Variants in SLC1A2 observed in about 807,000 individuals in gnomAD.
The protein encoded by SLC1A2 is excitatory amino acid transporter 2.
In SLC1A2, 15 loss-of-function variants were observed where a neutral mutation model predicts 48.8. The ratio of observed to expected loss-of-function variants is 0.31; its 90% confidence interval spans 0.21 to 0.47. SLC1A2 has a LOEUF of 0.47. Among genes scored for constraint, SLC1A2 ranks in the 20% least tolerant of loss-of-function variants. The pLI, the probability that SLC1A2 is intolerant of heterozygous loss-of-function variation, is 0.99. For missense variants in SLC1A2, 502 were observed against 730.5 expected (o/e 0.69, Z 3.61); for synonymous variants, 279 against 272.6 (o/e 1.02, Z -0.23).
chr11:35,418,697 G>GC, intron 1 of SLC1A2: 2 of 527,312 alleles, frequency 3.8e-6, no homozygotes, highest in Non-Finnish European at 6.7e-6. Flanking sequence ...ACACTCTCAG[G>GC]CCCCCAGCGC....
chr11:35,335,502 C>T (rs1279810024), intron 1 of SLC1A2, among the ~76,000 whole-genome samples: 1 of 152,164 alleles, frequency 6.6e-6, no homozygotes, highest in South Asian at 2.1e-4. Flanking sequence ...ATGATCCAGA[C>T]CCTGGGCATG....
intron 1 of SLC1A2, among the ~76,000 whole-genome samples, chr11:35,404,999 G>A (rs1360076483): frequency 6.6e-6 from 1 of 151,942 alleles, no homozygotes; most frequent in Non-Finnish European, 1.5e-5. Context: ...TTCAGCTGAA[G>A]ACTTTCCCAT....
In SLC1A2 at chr11:35,284,140, G is replaced by A. The variant is rs79700528; in HGVS notation, c.1286+2617C>T. ...TATTATTTTGCAACCCAACAGTATAGTATAGTGGAGGCAGTGTGTGTAATG... is the reference window on the plus strand; with the variant it reads ...TATTATTTTGCAACCCAACAGTATAATATAGTGGAGGCAGTGTGTGTAATG... On this transcript the variant is annotated intron_variant, in intron 8 of 10. Coordinates refer to ENST00000278379, the MANE Select transcript of SLC1A2 (RefSeq NM_004171.4). 8.8e-3 allele frequency among the ~76,000 whole-genome samples: 1,188 copies of A among 134,934 alleles called. 12 individuals carry two copies. The highest frequency in any genetic ancestry group is 0.013 in the Non-Finnish European group (822 of 63,256). The allele number at this position is 134,934 out of a possible 152,430, so 88.5% of individuals were successfully genotyped here.
chr11:35,362,479 G>T (rs1358804483), intron 1 of SLC1A2, among the ~76,000 whole-genome samples: 1 of 152,186 alleles, frequency 6.6e-6, no homozygotes, highest in Non-Finnish European at 1.5e-5. Flanking sequence ...CTCATGAGCT[G>T]TGTGGCCTTG....
At chr11:35,401,302 C>T (rs1855133239) in intron 1 of SLC1A2, among the ~76,000 whole-genome samples, 1 of 152,140 alleles carries the variant, frequency 6.6e-6, no homozygotes, top group Non-Finnish European at 1.5e-5. Flanking sequence ...GAGATTTTCC[C>T]CACAAGAGAC....
intron 9 of SLC1A2, among the ~76,000 whole-genome samples, chr11:35,268,258 C>G (rs1850160635): frequency 6.6e-6 from 1 of 152,090 alleles, no homozygotes; most frequent in Admixed American, 6.6e-5. Flanking sequence ...CTCTGAGTAC[C>G]CATTGATCTC....
chr11:35,283,787 A>G (rs1850717195), intron 8 of SLC1A2, among the ~76,000 whole-genome samples: 1 of 152,106 alleles, frequency 6.6e-6, no homozygotes, highest in South Asian at 2.1e-4. Context: ...CATAATTTTG[A>G]AAGGCTTGAT....
chr11:35,403,936 G>A (rs4755403), intron 1 of SLC1A2, among the ~76,000 whole-genome samples: 5,215 of 38,054 alleles, frequency 0.14, 296 homozygotes, highest in Middle Eastern at 0.27. Flanking sequence ...TTAGCTCAAA[G>A]GCAAAGAGGG....
chr11:35,284,112 A>ATATAT (rs1355573961), intron 8 of SLC1A2, among the ~76,000 whole-genome samples: 1 of 91,400 alleles, frequency 1.1e-5, no homozygotes, highest in Non-Finnish European at 2.3e-5. Flanking sequence ...TATATATATA[A>ATATAT]ATTATTATTT....
chr11:35,306,293 T>C (rs1565229192), intron 4 of SLC1A2, 51 bp from the exon 5 acceptor site: 7 of 1,395,874 alleles, frequency 5.0e-6, no homozygotes, highest in Non-Finnish European at 4.8e-6. Context: ...GCCTATAAGG[T>C]GAAAAAAAAA....
intron 1 of SLC1A2, among the ~76,000 whole-genome samples, chr11:35,382,106 C>T (rs1854442235): frequency 6.6e-6 from 1 of 152,192 alleles, no homozygotes; most frequent in African/African-American, 2.4e-5. Flanking sequence ...ACAACTTGTG[C>T]AAGATGACAC....
At chr11:35,277,566 T>G (rs985670738) in intron 9 of SLC1A2, among the ~76,000 whole-genome samples, 2 of 152,202 alleles carry the variant, frequency 1.3e-5, no homozygotes, top group African/African-American at 4.8e-5. Context: ...TAATAATATT[T>G]TTTAAAAAGA....
At chr11:35,351,834 C>T (rs1853268336) in intron 1 of SLC1A2, among the ~76,000 whole-genome samples, 2 of 152,092 alleles carry the variant, frequency 1.3e-5, no homozygotes, top group South Asian at 4.1e-4. Context: ...CGGGGTTTCA[C>T]CATATTGGCC....
intron 1 of SLC1A2, among the ~76,000 whole-genome samples, chr11:35,418,178 T>C (rs1409371701): frequency 2.0e-5 from 3 of 152,202 alleles, no homozygotes; most frequent in Admixed American, 1.3e-4. Context: ...CAGCCCCTTC[T>C]GTCTCTTGCT....
At chr11:35,385,789 A>G (rs1854568256) in intron 1 of SLC1A2, among the ~76,000 whole-genome samples, 1 of 152,184 alleles carries the variant, frequency 6.6e-6, no homozygotes, top group African/African-American at 2.4e-5. Flanking sequence ...TCTCTGGGTG[A>G]AACTATGTGT....
intron 1 of SLC1A2, among the ~76,000 whole-genome samples, chr11:35,369,989 G>A (rs577261201): frequency 1.3e-5 from 2 of 152,210 alleles, no homozygotes; most frequent in African/African-American, 4.8e-5. Context: ...AAAATTGGGT[G>A]GGGGTGAAGA....
intron 6 of SLC1A2, chr11:35,298,042 TATCACTTCCGTACAGCTCCATAAC>T (rs1851224949): frequency 6.6e-6 from 1 of 152,214 alleles, no homozygotes; most frequent in Non-Finnish European, 1.5e-5. Context: ...TTGATGTAGG[TATCACTTCCGTACAGCTCCATAAC>T]ACTGGGCAAG....
At chr11:35,346,652 T>C (rs1407769755) in intron 1 of SLC1A2, among the ~76,000 whole-genome samples, 1 of 152,254 alleles carries the variant, frequency 6.6e-6, no homozygotes, top group Non-Finnish European at 1.5e-5. Flanking sequence ...AGGCAGTCAA[T>C]AACTGTTTGT....
chr11:35,331,554 A>G (rs1852428304), intron 1 of SLC1A2, among the ~76,000 whole-genome samples: 1 of 152,206 alleles, frequency 6.6e-6, no homozygotes. Context: ...TCTTCTTAAG[A>G]GAAGAATGTA....
Sources: gnomAD v4.1 joint callset for allele counts (sites outside exome capture counted in the v4.1 genomes callset) on GRCh38, gnomAD v4.1.1 for gene constraint, MANE v1.5 for transcripts, NCBI Gene and HGNC (gene_info 2026-07-23, HGNC 2026-07-21) for gene names.